The following AGBL4 variants were observed in gnomAD, a reference collection of about 807,000 sequenced individuals.
AGBL4 encodes AGBL carboxypeptidase 4.
In AGBL4, 58 loss-of-function variants were observed where a neutral mutation model predicts 66.4. The observed-to-expected ratio is 0.87, with a 90% CI of 0.71 to 1.09. The LOEUF (loss-of-function observed/expected upper bound fraction) is 1.09. Among genes scored for constraint, AGBL4 ranks in the 50% least tolerant of loss-of-function variants. AGBL4 has a pLI of 0.00. For missense variants in AGBL4, 579 were observed against 631.0 expected (o/e 0.92, Z 0.88); for synonymous variants, 234 against 222.9 (o/e 1.05, Z -0.44).
intron 4 of AGBL4, among the ~76,000 whole-genome samples, chr1:49,112,792 A>T (rs1226592204): frequency 1.2e-4 from 18 of 152,104 alleles, no homozygotes; most frequent in Admixed American, 7.9e-4. Context: ...TCCACTTCTA[A>T]TTCTAGTTAT....
At chr1:49,056,944 AAAAGACTTT>A (rs1301220730) in intron 4 of AGBL4, among the ~76,000 whole-genome samples, 27 of 152,184 alleles carry the variant, frequency 1.8e-4, no homozygotes, top group African/African-American at 6.3e-4. Flanking sequence ...TAAGTTCTCT[AAAAGACTTT>A]AAATTTATCT....
At chr1:49,257,168 GA>G (rs770634474) in intron 3 of AGBL4, among the ~76,000 whole-genome samples, 4 of 149,370 alleles carry the variant, frequency 2.7e-5, no homozygotes, top group Non-Finnish European at 3.0e-5. Context: ...GTCAATGATT[GA>G]AAAAAAAATA....
chr1:48,634,629 C>G lies in AGBL4; in HGVS notation c.840-25G>C, dbSNP rs570879614. The G allele has an allele frequency of 2.9e-5, 44 of 1,520,252 alleles. No individual in the cohort carries two copies. The South Asian group carries it at 4.9e-4, about 17-fold the overall frequency. 94.2% of individuals were successfully genotyped at this position (1,520,252 alleles called of 1,614,324 possible). A position where few individuals can be genotyped will look rare whatever the true frequency, so the allele number is the denominator to read the frequency against. Reference sequence around the variant, plus strand: ...CCTAGGCAGTACCCAAAGTAAGAGTCAATATAGACAGGATAAGCTGAGCTT... The same window carrying G: ...CCTAGGCAGTACCCAAAGTAAGAGTGAATATAGACAGGATAAGCTGAGCTT... On this transcript the variant is annotated intron_variant, in intron 8 of 13. Coordinates refer to ENST00000371839, the MANE Select transcript of AGBL4 (RefSeq NM_032785.4).
At chr1:48,760,620 G>A (rs187471268) in intron 6 of AGBL4, among the ~76,000 whole-genome samples, 3 of 152,290 alleles carry the variant, frequency 2.0e-5, no homozygotes, top group East Asian at 1.9e-4. Context: ...AGGGCCAGGC[G>A]CATAGCAGGA....
intron 4 of AGBL4, among the ~76,000 whole-genome samples, chr1:49,073,065 A>G (rs914744455): frequency 1.3e-5 from 2 of 152,128 alleles, no homozygotes; most frequent in Non-Finnish European, 2.9e-5. Context: ...GTGCTTCACA[A>G]GGTTCTCGTG....
intron 3 of AGBL4, among the ~76,000 whole-genome samples, chr1:49,478,389 T>C (rs1243066291): frequency 6.6e-6 from 1 of 151,946 alleles, no homozygotes; most frequent in African/African-American, 2.4e-5. Flanking sequence ...CCAATATGTC[T>C]AGCAGCAGAT....
chr1:48,906,900 C>T (rs1370119523), intron 5 of AGBL4, among the ~76,000 whole-genome samples: 1 of 152,138 alleles, frequency 6.6e-6, no homozygotes, highest in East Asian at 1.9e-4. Flanking sequence ...CTTCTGTGGT[C>T]ACAAAAAACC....
chr1:49,263,729 GGT>G (rs1557782027), intron 3 of AGBL4, among the ~76,000 whole-genome samples: 3 of 151,982 alleles, frequency 2.0e-5, no homozygotes, highest in Non-Finnish European at 4.4e-5. Flanking sequence ...TCTTTAGAGG[GGT>G]ACTTGACAAT....
At chr1:49,132,874 C>G (rs1347498903) in intron 4 of AGBL4, among the ~76,000 whole-genome samples, 1 of 152,182 alleles carries the variant, frequency 6.6e-6, no homozygotes, top group Non-Finnish European at 1.5e-5. Context: ...TTTGACCCAG[C>G]AATCCCATTA....
At chr1:48,698,864 A>G (rs567330779) in intron 6 of AGBL4, among the ~76,000 whole-genome samples, 1 of 152,218 alleles carries the variant, frequency 6.6e-6, no homozygotes, top group Non-Finnish European at 1.5e-5. Context: ...GTCACAGAGC[A>G]AAAAAATAGG....
At chr1:49,864,538 G>A (rs1646654336) in intron 1 of AGBL4, among the ~76,000 whole-genome samples, 2 of 152,190 alleles carry the variant, frequency 1.3e-5, no homozygotes, top group East Asian at 3.9e-4. Flanking sequence ...GTGAGGAAAA[G>A]CAGAGCAACA....
Position 49,120,030 on chromosome 1 carries a change from T to G in AGBL4, c.378-74230A>C, listed in dbSNP as rs376853252. Among the ~76,000 whole-genome samples, 14 of 152,314 alleles carry G rather than the reference T, an allele frequency of 9.2e-5. No individual in the cohort carries two copies. The East Asian group carries it at 1.7e-3, about 19-fold the overall frequency. Reference sequence around the variant, plus strand: ...TGCTTTTTTTTGCTTTCCATTTGCTTGGTAGATCTTTCTCCATCCCTTTAT... The same window carrying G: ...TGCTTTTTTTTGCTTTCCATTTGCTGGGTAGATCTTTCTCCATCCCTTTAT... On this transcript the variant is annotated intron_variant, in intron 4 of 13. Coordinates refer to ENST00000371839, the MANE Select transcript of AGBL4 (RefSeq NM_032785.4).
At chr1:49,552,607 G>A (rs1653054041) in intron 3 of AGBL4, among the ~76,000 whole-genome samples, 1 of 152,148 alleles carries the variant, frequency 6.6e-6, no homozygotes, top group Non-Finnish European at 1.5e-5. Context: ...GGGAGAGGAG[G>A]CTCTCCCTCT....
At chr1:49,213,629 T>A (rs1022038164) in intron 4 of AGBL4, among the ~76,000 whole-genome samples, 3 of 152,162 alleles carry the variant, frequency 2.0e-5, no homozygotes, top group African/African-American at 7.2e-5. Context: ...GCTGGCAGAA[T>A]TGTGAGCCAA....
intron 1 of AGBL4, among the ~76,000 whole-genome samples, chr1:49,999,021 C>A (rs372758124): frequency 1.3e-5 from 2 of 152,054 alleles, no homozygotes; most frequent in African/African-American, 4.8e-5. Flanking sequence ...AGAACTGGAA[C>A]AAGACAAGGA....
intron 4 of AGBL4, among the ~76,000 whole-genome samples, chr1:49,120,788 C>A (rs1257337617): frequency 1.3e-5 from 2 of 152,152 alleles, no homozygotes; most frequent in African/African-American, 4.8e-5. Flanking sequence ...TGGGTAATAT[C>A]CTGAAGAGTG....
At chr1:49,758,575 T>A (rs914792005) in intron 2 of AGBL4, among the ~76,000 whole-genome samples, 3 of 152,146 alleles carry the variant, frequency 2.0e-5, no homozygotes, top group African/African-American at 7.2e-5. Context: ...TTGGGAGCTT[T>A]AAGATTTAAT....
intron 5 of AGBL4, among the ~76,000 whole-genome samples, chr1:48,937,987 A>C (rs1571046706): frequency 6.6e-6 from 1 of 152,286 alleles, no homozygotes; most frequent in East Asian, 1.9e-4. Flanking sequence ...GGAGTAAGTA[A>C]CCTAACTTCT....
chr1:48,796,678 G>A (rs1044196839), intron 6 of AGBL4, among the ~76,000 whole-genome samples: 1 of 152,198 alleles, frequency 6.6e-6, no homozygotes, highest in African/African-American at 2.4e-5. Context: ...CAGGTAAGTG[G>A]AGCATAGACT....
Sources: allele counts gnomAD v4.1 joint callset (sites outside exome capture counted in the v4.1 genomes callset), GRCh38; gene constraint gnomAD v4.1.1; transcripts MANE v1.5; gene names NCBI Gene and HGNC (gene_info 2026-07-23, HGNC 2026-07-21).